SUFU: variants seen among roughly 807,000 people sequenced by gnomAD.
The protein encoded by SUFU is suppressor of fused homolog.
In SUFU, 7 loss-of-function variants were observed where a neutral mutation model predicts 58.9. The observed-to-expected ratio is 0.12, with a 90% CI of 0.07 to 0.22. The LOEUF (loss-of-function observed/expected upper bound fraction) is 0.22. SUFU is among the 10% of genes least tolerant of loss of function. The pLI, the probability that SUFU is intolerant of heterozygous loss-of-function variation, is 1.00. For synonymous variants in SUFU, 232 were observed against 254.8 expected, an observed-to-expected ratio of 0.91 and a Z score of 0.85; for missense variants, 451 against 641.3, an observed-to-expected ratio of 0.70 and a Z score of 3.20.
Position 102,535,142 on chromosome 10 carries a change from T to G in SUFU, c.318-14828T>G, listed in dbSNP as rs550139169. ...CAGGATAAAGGATGGGTCTGCCCAG[T>G]TCTCCATCCAGCCTGGGACCAGGAG... is the stretch of plus-strand genomic sequence containing the variant. On this transcript the variant is annotated intron_variant, in intron 2 of 11. Transcript: ENST00000369902. Among the ~76,000 whole-genome samples the G allele has an allele frequency of 7.9e-5, 12 of 152,134 alleles. 1 individual carries two copies. The South Asian group carries it at 2.5e-3, about 32-fold the overall frequency.
intron 2 of SUFU, among the ~76,000 whole-genome samples, chr10:102,524,610 C>T (rs1326298985): frequency 2.6e-5 from 4 of 152,116 alleles, no homozygotes; most frequent in African/African-American, 4.8e-5. Flanking sequence ...CGTGAGCCAC[C>T]GTGCCCAGCC....
intron 2 of SUFU, among the ~76,000 whole-genome samples, chr10:102,519,622 T>C (rs913949090): frequency 1.3e-5 from 2 of 152,150 alleles, no homozygotes; most frequent in African/African-American, 4.8e-5. Context: ...TAAAAATTTC[T>C]GGCTTAGATG....
At chr10:102,611,275 C>T (rs747563451) in intron 8 of SUFU, among the ~76,000 whole-genome samples, 35 of 152,340 alleles carry the variant, frequency 2.3e-4, no homozygotes, top group Non-Finnish European at 3.4e-4. Context: ...GGATTCAGCT[C>T]GCTCTGGGCA....
intron 10 of SUFU, among the ~76,000 whole-genome samples, chr10:102,626,171 AG>A (rs1323280133): frequency 6.6e-6 from 1 of 151,940 alleles, no homozygotes; most frequent in Non-Finnish European, 1.5e-5. Context: ...GGGTGAAGGA[AG>A]GGGTCACAGT....
intron 2 of SUFU, among the ~76,000 whole-genome samples, chr10:102,534,055 G>T (rs1248945859): frequency 2.0e-5 from 3 of 152,176 alleles, no homozygotes; most frequent in African/African-American, 7.2e-5. Context: ...CTCAACAGAG[G>T]TGTGGTGGCT....
chr10:102,567,540 A>G (rs1376487826), intron 3 of SUFU, among the ~76,000 whole-genome samples: 2 of 152,120 alleles, frequency 1.3e-5, no homozygotes, highest in Admixed American at 6.6e-5. Flanking sequence ...AGAGAACAGA[A>G]TGGCCCTCCC....
chr10:102,630,238 C>A lies in SUFU; in HGVS notation c.*83C>A. On this transcript the variant is annotated 3_prime_UTR_variant, in exon 12 of 12. Coordinates refer to ENST00000369902, the MANE Select transcript of SUFU (RefSeq NM_016169.4). ...AGTGTAACAGTTGTGTCAACGAGAT[C>A]TCCACAAATAAAAGGACAAGTGTGA... The A allele has an allele frequency of 2.5e-6, 3 of 1,205,446 alleles. No homozygotes were observed. The highest frequency in any genetic ancestry group is 2.3e-5 in the East Asian group (1 of 42,990). The allele number at this position is 1,205,446 out of a possible 1,614,324, so 74.7% of individuals were successfully genotyped here.
intron 10 of SUFU, among the ~76,000 whole-genome samples, chr10:102,620,883 A>T (rs1243231183): frequency 6.6e-6 from 1 of 152,206 alleles, no homozygotes; most frequent in African/African-American, 2.4e-5. Context: ...CCCAGCGGTC[A>T]CATAGGGGTC....
At chr10:102,600,481 T>C (rs187799438) in intron 8 of SUFU, among the ~76,000 whole-genome samples, 150 of 152,348 alleles carry the variant, frequency 9.8e-4, no homozygotes, top group African/African-American at 3.3e-3. Context: ...TTTAATGGTG[T>C]GCATCTGGCT....
intron 2 of SUFU, among the ~76,000 whole-genome samples, chr10:102,532,140 T>C (rs900730387): frequency 1.3e-5 from 2 of 151,992 alleles, no homozygotes; most frequent in Non-Finnish European, 2.9e-5. Flanking sequence ...TTTATTATTA[T>C]TATTTTTGGT....
intron 2 of SUFU, among the ~76,000 whole-genome samples, chr10:102,521,805 G>A (rs191651172): frequency 3.2e-4 from 49 of 152,260 alleles, no homozygotes; most frequent in African/African-American, 1.1e-3. Context: ...TGTTAAATTC[G>A]TTATTGTTAT....
At chr10:102,523,200 C>T (rs1185212591) in intron 2 of SUFU, among the ~76,000 whole-genome samples, 1 of 152,206 alleles carries the variant, frequency 6.6e-6, no homozygotes. Flanking sequence ...CCTTTCCTTC[C>T]TACTCCTATG....
rs2063793808 is a variant in SUFU, at chr10:102,627,200, A to T, written c.1322A>T (p.Glu441Val). 1 of 1,614,268 alleles carries T rather than the reference A, an allele frequency of 6.2e-7. No homozygotes were observed. The highest frequency in any genetic ancestry group is 1.6e-4 in the Middle Eastern group (1 of 6,062). Residue 441 changes from glutamate to valine, a missense_variant, in exon 11 of 12, where the codon GAG (glutamate) becomes GTG (valine). Transcript: ENST00000369902. Reference sequence around the variant, plus strand: ...ATTCTGTTGACCGAAGAGTTTGTAGAGAAAATGTTGGAGGATTTAGAAGAT... The same window carrying T: ...ATTCTGTTGACCGAAGAGTTTGTAGTGAAAATGTTGGAGGATTTAGAAGAT... ...LQILLTEEFVEKMLEDLEDLT... is the reference protein window; with the variant it reads ...LQILLTEEFVVKMLEDLEDLT...
chr10:102,515,986 C>T (rs150515675), intron 2 of SUFU, among the ~76,000 whole-genome samples: 5,143 of 152,240 alleles, frequency 0.034, 93 homozygotes, highest in African/African-American at 0.055. Flanking sequence ...CAGTGTGGGG[C>T]AGGGCCCAAC....
rs2135882007 is a variant in SUFU, at chr10:102,597,250, G to C, written c.867G>C (p.Arg289=). 1 of 1,614,030 alleles carries C rather than the reference G, an allele frequency of 6.2e-7. No individual in the cohort carries two copies. The highest frequency in any genetic ancestry group is 8.5e-7 in the Non-Finnish European group (1 of 1,180,034). ...SRPPEDDEDS[R]SICIGTQPRR... The stretch of plus-strand genomic sequence containing the variant: ...CCCCCGAGGATGACGAGGACAGCCG[G>C]AGCATCTGCATCGGCACACAGCCCC... Residue 289 remains arginine, a synonymous_variant, in exon 7 of 12, where the codon CGG becomes CGC. Coordinates refer to ENST00000369902, the MANE Select transcript of SUFU (RefSeq NM_016169.4).
At chr10:102,568,915 T>A (rs1291629463) in intron 3 of SUFU, among the ~76,000 whole-genome samples, 1 of 7,804 alleles carries the variant, frequency 1.3e-4, no homozygotes, top group Non-Finnish European at 2.4e-4. Context: ...TATATATATA[T>A]ATATACACAT....
Position 102,623,327 on chromosome 10 carries a change from C to T in SUFU, c.1297-3848C>T, listed in dbSNP as rs531157898. 7.2e-5 allele frequency among the ~76,000 whole-genome samples: 11 copies of T among 152,328 alleles called. No individual in the cohort carries two copies. The South Asian group carries it at 1.7e-3, about 23-fold the overall frequency. On this transcript the variant is annotated intron_variant, in intron 10 of 11. Coordinates refer to ENST00000369902, the MANE Select transcript of SUFU (RefSeq NM_016169.4). The stretch of plus-strand genomic sequence containing the variant: ...AGGCTGGCCTGGGAATTTGCCCCAC[C>T]GTCCCCACTTGGGAACCATCTCTGG...
intron 3 of SUFU, among the ~76,000 whole-genome samples, chr10:102,571,504 AAAAACAAACAAAC>A (rs763791635): frequency 1.8e-4 from 2 of 11,188 alleles, no homozygotes; most frequent in African/African-American, 3.8e-4. Flanking sequence ...GTCTCTACTA[AAAAACAAACAAAC>A]AAAACAAACA....
intron 3 of SUFU, among the ~76,000 whole-genome samples, chr10:102,567,006 C>CTTTTTTTTTTTTT (rs1175563323): frequency 3.1e-5 from 2 of 64,668 alleles, no homozygotes; most frequent in Non-Finnish European, 5.2e-5. Context: ...GAAACAGGCT[C>CTTTTTTTTTTTTT]TTTTTTTTTT....
Sources: allele counts gnomAD v4.1 joint callset (sites outside exome capture counted in the v4.1 genomes callset), GRCh38; gene constraint gnomAD v4.1.1; transcripts MANE v1.5; gene names NCBI Gene and HGNC (gene_info 2026-07-23, HGNC 2026-07-21).